GSG1L: variants seen among roughly 807,000 people sequenced by gnomAD.
GSG1L encodes GSG1 like.
Under a neutral mutation model 42.1 loss-of-function variants are expected in GSG1L, and 24 were observed. That is an observed-to-expected ratio of 0.57 (90% CI 0.41 to 0.80). The LOEUF (loss-of-function observed/expected upper bound fraction) is 0.80. Among genes scored for constraint, GSG1L ranks in the 30% least tolerant of loss-of-function variants. The probability of loss-of-function intolerance (pLI) is 0.00; values close to 1 mark genes in which losing one functional copy is unlikely to be tolerated. For synonymous variants in GSG1L, 215 were observed against 203.5 expected (o/e 1.06, Z -0.48); for missense variants, 445 against 472.2 (o/e 0.94, Z 0.53).
At chr16:27,881,067 T>C (rs2141020665) in intron 3 of GSG1L, among the ~76,000 whole-genome samples, 1 of 152,218 alleles carries the variant, frequency 6.6e-6, no homozygotes, top group South Asian at 2.1e-4. Context: ...ATCTGACCCC[T>C]TCTCAGAATA....
In GSG1L at chr16:27,845,008, C is replaced by A; in HGVS notation, c.604G>T (p.Val202Leu). 6.2e-7 allele frequency: 1 copy of A among 1,613,830 alleles called. No homozygotes were observed. The highest frequency in any genetic ancestry group is 8.5e-7 in the Non-Finnish European group (1 of 1,179,852). ...CTCCAGTCCTCAGGACCGAGGCTCA[C>A]GGTGACCTGGAACACCTGCGTGTAC... The part of the protein sequence containing the change: ...MMYTQVFQVT[V>L]SLGPEDWRPH... The change falls in exon 4 of 7, where the codon GTG (valine) becomes TTG (leucine). Residue 202 changes from valine (V) to leucine (L), a missense_variant. Around this residue, in one of 3 missense-constraint regions of GSG1L, gnomAD observed 149 missense variants for 223.3 expected, o/e 0.67. Coordinates refer to ENST00000447459, the MANE Select transcript of GSG1L (RefSeq NM_001109763.2).
At chr16:27,849,338 G>A (rs1395165909) in intron 3 of GSG1L, among the ~76,000 whole-genome samples, 5 of 152,172 alleles carry the variant, frequency 3.3e-5, no homozygotes, top group Non-Finnish European at 5.9e-5. Context: ...TGCAGGACGA[G>A]AAGTCAGTAA....
In GSG1L at chr16:27,987,075, G is replaced by A. The variant is rs534756256; in HGVS notation, c.350-23872C>T. Among the ~76,000 whole-genome samples the A allele has an allele frequency of 9.2e-5, 14 of 152,138 alleles. No homozygotes were observed. In the East Asian group the frequency reaches 2.5e-3, roughly 27 times the overall value. On this transcript the variant is annotated intron_variant, in intron 1 of 6. Coordinates refer to ENST00000447459, the MANE Select transcript of GSG1L (RefSeq NM_001109763.2). Reference sequence around the variant, plus strand: ...CTACTAAAAATACAAAAATTAGCTGGGCAAGGTGGCAGGTGCCTGTAATCC... The same window carrying A: ...CTACTAAAAATACAAAAATTAGCTGAGCAAGGTGGCAGGTGCCTGTAATCC...
chr16:27,923,334 C>G (rs1420960324), intron 2 of GSG1L, among the ~76,000 whole-genome samples: 2 of 152,296 alleles, frequency 1.3e-5, no homozygotes, highest in African/African-American at 4.8e-5. Flanking sequence ...GGATCATCCT[C>G]ACTCCCACAG....
At chr16:27,853,482 G>C (rs965027402) in intron 3 of GSG1L, among the ~76,000 whole-genome samples, 1 of 152,172 alleles carries the variant, frequency 6.6e-6, no homozygotes, top group East Asian at 1.9e-4. Flanking sequence ...CTGAGGACAC[G>C]GGGAGGGGGG....
chr16:27,821,665 C>G (rs189957522), intron 5 of GSG1L, among the ~76,000 whole-genome samples: 5 of 152,126 alleles, frequency 3.3e-5, no homozygotes, highest in Admixed American at 3.3e-4. Context: ...CTTTGGGAGG[C>G]AGAGGAGGGC....
chr16:27,988,815 G>A (rs2085418859), intron 1 of GSG1L, among the ~76,000 whole-genome samples: 1 of 151,454 alleles, frequency 6.6e-6, no homozygotes, highest in Admixed American at 6.6e-5. Context: ...AGCACTTTGG[G>A]AGGCCGAGGT....
At chr16:27,870,000 T>C (rs982266603) in intron 3 of GSG1L, among the ~76,000 whole-genome samples, 1 of 146,158 alleles carries the variant, frequency 6.8e-6, no homozygotes, top group Non-Finnish European at 1.5e-5. Context: ...TCTGTCCATC[T>C]CTCTTTCCTT....
At chr16:27,814,268 C>T (rs2083067400) in intron 5 of GSG1L, among the ~76,000 whole-genome samples, 1 of 152,100 alleles carries the variant, frequency 6.6e-6, no homozygotes, top group South Asian at 2.1e-4. Context: ...CACACCACCA[C>T]CCCCAGCTAA....
intron 5 of GSG1L, among the ~76,000 whole-genome samples, chr16:27,822,851 G>A (rs947242584): frequency 2.6e-5 from 4 of 152,148 alleles, no homozygotes; most frequent in East Asian, 1.9e-4. Flanking sequence ...ACATAAACAC[G>A]AAAATAAATA....
intron 1 of GSG1L, among the ~76,000 whole-genome samples, chr16:27,964,964 A>T (rs1398871305): frequency 1.3e-5 from 2 of 152,216 alleles, no homozygotes; most frequent in Non-Finnish European, 2.9e-5. Context: ...AAAACATCTC[A>T]TGTACCCCAT....
intron 5 of GSG1L, among the ~76,000 whole-genome samples, chr16:27,826,732 A>G (rs2083213592): frequency 6.6e-6 from 1 of 152,182 alleles, no homozygotes; most frequent in African/African-American, 2.4e-5. Context: ...TCCTGACAGT[A>G]TCAGTCTCCT....
intron 5 of GSG1L, among the ~76,000 whole-genome samples, chr16:27,820,669 C>T (rs2083142150): frequency 6.6e-6 from 1 of 152,180 alleles, no homozygotes; most frequent in South Asian, 2.1e-4. Flanking sequence ...TGGTTTCTTG[C>T]AGATCTGAGA....
intron 3 of GSG1L, among the ~76,000 whole-genome samples, chr16:27,868,130 G>C (rs180713580): frequency 6.6e-6 from 1 of 152,256 alleles, no homozygotes; most frequent in Admixed American, 6.5e-5. Context: ...TGAAAGGCCT[G>C]ATGGCCTGCA....
chr16:27,873,901 G>A (rs2083853540), intron 3 of GSG1L, among the ~76,000 whole-genome samples: 1 of 152,166 alleles, frequency 6.6e-6, no homozygotes, highest in Non-Finnish European at 1.5e-5. Context: ...CCCCATAGAG[G>A]GCCAAGCTAA....
chr16:27,837,714 A>G (rs1173612632), intron 4 of GSG1L, among the ~76,000 whole-genome samples: 1 of 152,220 alleles, frequency 6.6e-6, no homozygotes, highest in African/African-American at 2.4e-5. Flanking sequence ...CCTTCCTGGC[A>G]TGGGTGTGGG....
At chr16:27,907,066 T>A (rs1193318804) in intron 2 of GSG1L, among the ~76,000 whole-genome samples, 1 of 152,142 alleles carries the variant, frequency 6.6e-6, no homozygotes, top group South Asian at 2.1e-4. Flanking sequence ...TCTACTGTGA[T>A]TGGTTAAGGG....
At chr16:27,825,176 G>A (rs1191315550) in intron 5 of GSG1L, among the ~76,000 whole-genome samples, 1 of 152,172 alleles carries the variant, frequency 6.6e-6, no homozygotes, top group Non-Finnish European at 1.5e-5. Flanking sequence ...AGGGAGCCAG[G>A]GCTGAGGCCT....
At chr16:27,909,636 T>A (rs71389510) in intron 2 of GSG1L, among the ~76,000 whole-genome samples, 1 of 49,644 alleles carries the variant, frequency 2.0e-5, no homozygotes, top group South Asian at 5.5e-4. Flanking sequence ...TGCACCCAGC[T>A]TTTTTTTTTT....
Sources: gnomAD v4.1 joint callset for allele counts (sites outside exome capture counted in the v4.1 genomes callset) on GRCh38, gnomAD v4.1.1 for gene constraint, gnomAD v4.1.1 regional missense constraint, MANE v1.5 for transcripts, NCBI Gene and HGNC (gene_info 2026-07-23, HGNC 2026-07-21) for gene names.